Variants in ZCRB1 observed in about 807,000 individuals in gnomAD.
ZCRB1 encodes the protein zinc finger CCHC-type and RNA binding motif containing 1.
A neutral mutation model predicts 29.9 loss-of-function variants in ZCRB1; 21 were observed. That is an observed-to-expected ratio of 0.70 (90% CI 0.50 to 1.01). ZCRB1 has a LOEUF of 1.01. Ranked by LOEUF, ZCRB1 falls within the 50% of genes least tolerant of loss-of-function variation. The probability of loss-of-function intolerance (pLI) is 0.00; values close to 1 mark genes in which losing one functional copy is unlikely to be tolerated. For synonymous variants in ZCRB1, 77 were observed against 80.0 expected, an observed-to-expected ratio of 0.96 and a Z score of 0.20; for missense variants, 204 against 253.3, an observed-to-expected ratio of 0.81 and a Z score of 1.32.
chr12:42,314,920 C>T (rs1451003728), intron 5 of ZCRB1, among the ~76,000 whole-genome samples: 1 of 152,182 alleles, frequency 6.6e-6, no homozygotes, highest in East Asian at 1.9e-4. Flanking sequence ...CCACCGCACT[C>T]CAGCCTAGGC....
rs992894327 is a variant in ZCRB1, at chr12:42,326,042, G to A, written c.-121C>T. On this transcript the variant is annotated 5_prime_UTR_variant, in exon 1 of 8. Transcript: ENST00000266529. ...CTTGGCATCACGAGTCCTGGGAGGGGTCAGGCGCGGAGAGCAGATAATAGC... is the reference window on the plus strand; with the variant it reads ...CTTGGCATCACGAGTCCTGGGAGGGATCAGGCGCGGAGAGCAGATAATAGC... The A allele has an allele frequency of 6.6e-6, 1 of 152,332 alleles. No homozygotes were observed. The highest frequency in any genetic ancestry group is 2.4e-5 in the African/African-American group (1 of 41,474). 9.4% of individuals were successfully genotyped at this position (152,332 alleles called of 1,614,324 possible).
chr12:42,313,169 T>C lies in ZCRB1; in HGVS notation c.552A>G (p.Lys184=). The change falls in exon 8 of 8, where the codon AAA becomes AAG. Residue 184 remains lysine (K), a synonymous_variant. Transcript: ENST00000266529. ...QQAKIEEEQK[K]WKPSSGVPST... is the part of the protein sequence containing the mutation. ...AGGGGACTCCTGAACTGGGTTTCCA[T>C]TTTTTTTGTTCTTCTTCAATTTTGG... The C allele has an allele frequency of 6.3e-7, 1 of 1,593,834 alleles. No individual in the cohort carries two copies. Among genetic ancestry groups the C allele is most frequent in the Non-Finnish European group, 8.6e-7 (1 of 1,169,554 alleles).
chr12:42,313,575 G>C, intron 7 of ZCRB1, 115 bp downstream of exon 7: 3 of 1,104,408 alleles, frequency 2.7e-6, no homozygotes, highest in Non-Finnish European at 3.9e-6. Flanking sequence ...GTCTCCTAAG[G>C]CTTAGGAGGT....
At chr12:42,319,132 A>T (rs1183435474) in intron 3 of ZCRB1, among the ~76,000 whole-genome samples, 1 of 152,014 alleles carries the variant, frequency 6.6e-6, no homozygotes, top group Non-Finnish European at 1.5e-5. Context: ...CTTTTTTTTT[A>T]AAGTAGTATT....
chr12:42,312,362 C>T lies in ZCRB1; in HGVS notation c.*705G>A, dbSNP rs557163181. On this transcript the variant is annotated 3_prime_UTR_variant, in exon 8 of 8. Transcript: ENST00000266529. ...GACAATTATTAACTCTAGGAAAAAA[C>T]GTAATCATAGCATATTCCTTGGCTC... 25 of 151,880 alleles carry T rather than the reference C, an allele frequency of 1.6e-4. No homozygotes were observed. Among genetic ancestry groups the T allele is most frequent in the South Asian group, 2.1e-4 (1 of 4,826 alleles). 9.4% of individuals were successfully genotyped at this position (151,880 alleles called of 1,614,324 possible).
At chr12:42,318,332 G>A (rs1455670034) in intron 3 of ZCRB1, among the ~76,000 whole-genome samples, 1 of 151,994 alleles carries the variant, frequency 6.6e-6, no homozygotes, top group African/African-American at 2.4e-5. Flanking sequence ...GAAAAATAAG[G>A]AAAAAAACCC....
chr12:42,313,256 T>TAAA, intron 7 of ZCRB1, 58 bp from the exon 8 acceptor site: 1 of 1,544,018 alleles, frequency 6.5e-7, no homozygotes, highest in African/African-American at 1.4e-5. Flanking sequence ...TTATGGTTCA[T>TAAA]TAATTCAAAA....
Position 42,313,696 on chromosome 12 carries a change from T to C in ZCRB1, c.516A>G (p.Ala172=), listed in dbSNP as rs909407427. 5 of 1,613,020 alleles carry C rather than the reference T, an allele frequency of 3.1e-6. No homozygotes were observed. The African/African-American group carries it at 5.3e-5, about 17-fold the overall frequency. ...PALDSLSQAI[A]FQQAKIEEEQ... ...TAAAAGAACAATTTAATACCTGGAA[T>C]GCTATGGCCTGACTGAGGCTGTCAA... Residue 172 remains alanine (A), a synonymous_variant, in exon 7 of 8, where the codon GCA becomes GCG. Coordinates refer to ENST00000266529, the MANE Select transcript of ZCRB1 (RefSeq NM_033114.4).
intron 3 of ZCRB1, among the ~76,000 whole-genome samples, chr12:42,322,081 G>C (rs760112965): frequency 6.6e-6 from 1 of 151,882 alleles, no homozygotes; most frequent in Non-Finnish European, 1.5e-5. Flanking sequence ...TTTGAAAGTA[G>C]GTTACTTATA....
chr12:42,318,822 G>T (rs1233753332), intron 3 of ZCRB1, among the ~76,000 whole-genome samples: 1 of 152,148 alleles, frequency 6.6e-6, no homozygotes, highest in Non-Finnish European at 1.5e-5. Context: ...ACAGCAGCCA[G>T]CTGGAAGGAG....
intron 1 of ZCRB1, among the ~76,000 whole-genome samples, chr12:42,324,903 G>C (rs1369640945): frequency 6.6e-6 from 1 of 152,222 alleles, no homozygotes; most frequent in African/African-American, 2.4e-5. Context: ...CAGAACCTTA[G>C]CCACTGATTT....
chr12:42,321,932 G>C (rs1014088440), intron 3 of ZCRB1, among the ~76,000 whole-genome samples: 1 of 151,786 alleles, frequency 6.6e-6, no homozygotes, highest in Non-Finnish European at 1.5e-5. Flanking sequence ...TCTTTCCAAC[G>C]ATCTCCAAGC....
Position 42,324,026 on chromosome 12 carries a change from A to T in ZCRB1, c.77T>A (p.Leu26Ter), listed in dbSNP as rs568732980. Residue 26 changes from leucine to a stop codon, truncating the protein, a stop_gained, in exon 2 of 8, where the codon TTG becomes TAG. Transcript: ENST00000266529. LOFTEE classifies it high-confidence loss of function. ...NLPFSLTNND[L>*]YRIFSKYGKV... The stretch of plus-strand genomic sequence containing the variant: ...TCGATAAGATTTACTTACCCGGTAC[A>T]AGTCATTGTTTGTCAGGGAAAAAGG... 2 of 1,613,828 alleles carry T rather than the reference A, an allele frequency of 1.2e-6. No individual in the cohort carries two copies. Among genetic ancestry groups the T allele is most frequent in the Admixed American group, 1.7e-5 (1 of 60,016 alleles).
At chr12:42,313,669 T>C in intron 7 of ZCRB1, 21 bp downstream of exon 7, 1 of 1,610,730 alleles carries the variant, frequency 6.2e-7, no homozygotes, top group South Asian at 1.1e-5. Flanking sequence ...TATGATGCCT[T>C]TTAAAAGAAC....
chr12:42,313,613 G>A, intron 7 of ZCRB1, 77 bp downstream of exon 7: 3 of 1,473,868 alleles, frequency 2.0e-6, no homozygotes, highest in Non-Finnish European at 2.8e-6. Context: ...GTTGCCATGA[G>A]GTGATCAATG....
At chr12:42,316,176 C>T (rs1456307982) in intron 5 of ZCRB1, among the ~76,000 whole-genome samples, 1 of 152,096 alleles carries the variant, frequency 6.6e-6, no homozygotes, top group African/African-American at 2.4e-5. Flanking sequence ...CTCACTGCAA[C>T]CTCCACCTCC....
chr12:42,320,705 T>C (rs1253088627), intron 3 of ZCRB1, among the ~76,000 whole-genome samples: 1 of 152,084 alleles, frequency 6.6e-6, no homozygotes, highest in Non-Finnish European at 1.5e-5. Flanking sequence ...CCACATCGGC[T>C]TCCCAAAGTG....
At chr12:42,316,591 A>G (rs1420371889) in intron 5 of ZCRB1, among the ~76,000 whole-genome samples, 1 of 152,240 alleles carries the variant, frequency 6.6e-6, no homozygotes, top group African/African-American at 2.4e-5. Context: ...GGGATAGTTC[A>G]GTTACAAAAC....
rs1212273622 is a variant in ZCRB1 at position 42,312,105 on chromosome 12, T to C, written c.*962A>G. On this transcript the variant is annotated 3_prime_UTR_variant, in exon 8 of 8. Coordinates refer to ENST00000266529, the MANE Select transcript of ZCRB1 (RefSeq NM_033114.4). The stretch of plus-strand genomic sequence containing the variant: ...TTATAATGAAATTTCAAATATCTTT[T>C]TAATATATTTTTTCTTGGGATGACA... 1 of 152,116 alleles carries C rather than the reference T, an allele frequency of 6.6e-6. No homozygotes were observed. The highest frequency in any genetic ancestry group is 1.5e-5 in the Non-Finnish European group (1 of 68,014). The allele number at this position is 152,116 out of a possible 1,614,324, so 9.4% of individuals were successfully genotyped here.
Sources: gnomAD v4.1 joint callset for allele counts (sites outside exome capture counted in the v4.1 genomes callset) on GRCh38, gnomAD v4.1.1 for gene constraint, MANE v1.5 for transcripts, NCBI Gene and HGNC (gene_info 2026-07-23, HGNC 2026-07-21) for gene names.